DCC: variants seen among roughly 807,000 people sequenced by gnomAD.
DCC encodes the protein DCC netrin 1 receptor.
In DCC, 58 loss-of-function variants were observed where a neutral mutation model predicts 172.5. The observed-to-expected ratio is 0.34, with a 90% CI of 0.27 to 0.42. The LOEUF (loss-of-function observed/expected upper bound fraction) is 0.42, where lower values mean the gene tolerates loss of function less well. Ranked by LOEUF, DCC falls within the 10% of genes least tolerant of loss-of-function variation. The pLI is 1.00. For missense variants in DCC, 1,740 were observed against 1,791.0 expected (o/e 0.97, Z 0.51); for synonymous variants, 709 against 644.5 (o/e 1.10, Z -1.52).
intron 12 of DCC, among the ~76,000 whole-genome samples, chr18:53,229,813 T>C (rs2056094832): frequency 6.6e-6 from 1 of 152,092 alleles, no homozygotes; most frequent in African/African-American, 2.4e-5. Flanking sequence ...CTTAATTATA[T>C]TGTGGCTGTG....
intron 1 of DCC, among the ~76,000 whole-genome samples, chr18:52,418,688 C>A (rs1987132963): frequency 6.6e-6 from 1 of 152,096 alleles, no homozygotes; most frequent in Non-Finnish European, 1.5e-5. Context: ...CCCCCAGATT[C>A]TCCCCTGAGT....
intron 12 of DCC, chr18:53,237,172 C>A (rs139052256): frequency 6.5e-6 from 1 of 153,682 alleles, no homozygotes; most frequent in Non-Finnish European, 1.5e-5. Flanking sequence ...TATGTATGAT[C>A]TGGACACCCA....
At chr18:52,495,352 A>G (rs543209941) in intron 1 of DCC, among the ~76,000 whole-genome samples, 4 of 152,006 alleles carry the variant, frequency 2.6e-5, no homozygotes, top group African/African-American at 4.8e-5. Flanking sequence ...TTGTTTCTCT[A>G]TCCCCACCCA....
At chr18:52,621,785 G>A (rs1019032504) in intron 1 of DCC, among the ~76,000 whole-genome samples, 4 of 152,074 alleles carry the variant, frequency 2.6e-5, no homozygotes, top group African/African-American at 9.7e-5. Context: ...AGGTTGTCTT[G>A]GAACTGATAC....
At chr18:52,802,615 A>C (rs2038013044) in intron 2 of DCC, among the ~76,000 whole-genome samples, 1 of 130,508 alleles carries the variant, frequency 7.7e-6, no homozygotes. Flanking sequence ...AGTAATCGGA[A>C]CCACAGGTAC....
intron 5 of DCC, among the ~76,000 whole-genome samples, chr18:53,030,549 T>C (rs895263260): frequency 6.6e-6 from 1 of 152,136 alleles, no homozygotes; most frequent in Non-Finnish European, 1.5e-5. Flanking sequence ...TTAGCTGTTC[T>C]TGGACCTATT....
intron 2 of DCC, among the ~76,000 whole-genome samples, chr18:52,900,977 T>C (rs7240535): frequency 0.4 from 60,191 of 152,158 alleles, 12,493 homozygotes; most frequent in Non-Finnish European, 0.47. Context: ...CAGAAAGTAC[T>C]TACTAAACAA....
Position 52,782,045 on chromosome 18 carries a change from C to T in DCC, c.412+29671C>T, listed in dbSNP as rs575457839. On this transcript the variant is annotated intron_variant, in intron 2 of 28. Transcript: ENST00000442544. ...TCTGAATGATAAAAAGGACCATTTT[C>T]CCATAAAGACAGTCAAGGTAAAATA... 6.6e-5 allele frequency among the ~76,000 whole-genome samples: 10 copies of T among 152,118 alleles called. No homozygotes were observed. In the East Asian group the frequency reaches 1.7e-3, roughly 27 times the overall value.
intron 6 of DCC, among the ~76,000 whole-genome samples, chr18:53,064,528 A>C (rs1377732053): frequency 6.6e-6 from 1 of 152,164 alleles, no homozygotes; most frequent in Non-Finnish European, 1.5e-5. Flanking sequence ...ATCGTATTAC[A>C]ATGGCCTTTG....
intron 1 of DCC, among the ~76,000 whole-genome samples, chr18:52,749,188 T>C (rs779843613): frequency 1.3e-5 from 2 of 150,812 alleles, no homozygotes; most frequent in Admixed American, 6.6e-5. Context: ...CCAGACTCCA[T>C]CGCCCAAAAA....
intron 25 of DCC, among the ~76,000 whole-genome samples, chr18:53,484,668 C>T (rs1269641589): frequency 6.6e-6 from 1 of 152,034 alleles, no homozygotes; most frequent in Non-Finnish European, 1.5e-5. Flanking sequence ...TCCCCCAGCA[C>T]CATTTATGGA....
chr18:53,311,537 A>G (rs2057268982), intron 13 of DCC, among the ~76,000 whole-genome samples: 1 of 152,180 alleles, frequency 6.6e-6, no homozygotes, highest in Non-Finnish European at 1.5e-5. Flanking sequence ...ACTCCTCATT[A>G]TGTGCTCCTT....
chr18:52,710,246 C>T (rs1413017660), intron 1 of DCC, among the ~76,000 whole-genome samples: 2 of 152,196 alleles, frequency 1.3e-5, no homozygotes, highest in Admixed American at 1.3e-4. Flanking sequence ...GACAGAATAT[C>T]ATGCAGCTAT....
At chr18:53,077,988 C>A (rs1472142973) in intron 7 of DCC, among the ~76,000 whole-genome samples, 1 of 152,164 alleles carries the variant, frequency 6.6e-6, no homozygotes, top group Non-Finnish European at 1.5e-5. Context: ...GTGAATATCA[C>A]ATAATTGTTG....
At chr18:52,796,157 T>C (rs2037874492) in intron 2 of DCC, among the ~76,000 whole-genome samples, 1 of 151,818 alleles carries the variant, frequency 6.6e-6, no homozygotes, top group Admixed American at 6.6e-5. Flanking sequence ...GGAGTTAGTT[T>C]CTTATCGGTG....
chr18:53,386,162 T>C, intron 16 of DCC, 24 bp downstream of exon 16: 1 of 1,410,826 alleles, frequency 7.1e-7, no homozygotes, highest in East Asian at 2.3e-5. Flanking sequence ...TTAATCTTCC[T>C]CTGACAAAGT....
intron 1 of DCC, among the ~76,000 whole-genome samples, chr18:52,423,988 A>T (rs1987339486): frequency 6.6e-6 from 1 of 152,112 alleles, no homozygotes; most frequent in Non-Finnish European, 1.5e-5. Flanking sequence ...TTTCTTGTTC[A>T]TCCTTTCTAC....
intron 1 of DCC, among the ~76,000 whole-genome samples, chr18:52,700,306 A>G (rs564402639): frequency 9.6e-6 from 1 of 104,060 alleles, no homozygotes; most frequent in Non-Finnish European, 2.1e-5. Context: ...CCACACACAC[A>G]TGCACACATG....
intron 1 of DCC, among the ~76,000 whole-genome samples, chr18:52,646,679 A>T (rs951943905): frequency 4.6e-5 from 7 of 152,220 alleles, no homozygotes; most frequent in Non-Finnish European, 1.5e-5. Context: ...GAATATTCAG[A>T]TAAAGAGGTA....
Sources: gnomAD v4.1 joint callset for allele counts (sites outside exome capture counted in the v4.1 genomes callset) on GRCh38, gnomAD v4.1.1 for gene constraint, MANE v1.5 for transcripts, NCBI Gene and HGNC (gene_info 2026-07-23, HGNC 2026-07-21) for gene names.